Variants in POTEC observed in about 807,000 individuals in gnomAD.
POTEC encodes ANKRD26-like family B member 2.
A neutral mutation model predicts 62.0 loss-of-function variants in POTEC; 35 were observed. The observed-to-expected ratio is 0.56, with a 90% CI of 0.43 to 0.75. The LOEUF (loss-of-function observed/expected upper bound fraction) is 0.75. Ranked by LOEUF, POTEC falls within the 30% of genes least tolerant of loss-of-function variation. POTEC has a pLI of 0.00. For synonymous variants in POTEC, 156 were observed against 221.5 expected, an observed-to-expected ratio of 0.70 and a Z score of 2.62; for missense variants, 472 against 655.9, an observed-to-expected ratio of 0.72 and a Z score of 3.06.
rs763235728 is a variant in POTEC, at chr18:14,542,924, T to C, written c.223A>G (p.Ser75Gly). ...GAAGTGCCCACGTTGCTCGTGCCGC[T>C]CCCCCTGCAGCAGGGGAAGCAGTGG... is the stretch of plus-strand genomic sequence containing the variant. The part of the protein sequence containing the change: ...CHHCFPCCRG[S>G]GTSNVGTSGD... The change falls in exon 1 of 11, where the codon AGC (serine) becomes GGC (glycine). Residue 75 changes from serine (S) to glycine (G), a missense_variant. This residue lies in a region of POTEC where 257 missense variants were observed against 250.7 expected (regional missense o/e 1.03). Transcript: ENST00000358970. 2.0e-6 allele frequency: 3 copies of C among 1,523,930 alleles called. No homozygotes were observed. The highest frequency in any genetic ancestry group is 1.9e-5 in the Admixed American group (1 of 51,488). The allele number at this position is 1,523,930 out of a possible 1,614,324, so 94.4% of individuals were successfully genotyped here.
intron 6 of POTEC, among the ~76,000 whole-genome samples, chr18:14,530,270 C>A (rs1905461796): frequency 6.6e-6 from 1 of 151,876 alleles, no homozygotes; most frequent in African/African-American, 2.4e-5. Flanking sequence ...TCCACGGATT[C>A]TACATTATAG....
At chr18:14,517,136 T>C (rs1351870009) in intron 9 of POTEC, among the ~76,000 whole-genome samples, 1 of 149,824 alleles carries the variant, frequency 6.7e-6, no homozygotes, top group African/African-American at 2.5e-5. Flanking sequence ...ATTAACCAAT[T>C]CACCTTGACC....
intron 5 of POTEC, among the ~76,000 whole-genome samples, chr18:14,532,170 T>A (rs9635834): frequency 6.6e-6 from 1 of 152,044 alleles, no homozygotes; most frequent in African/African-American, 2.4e-5. Flanking sequence ...TGACCCTTTA[T>A]AACAAGCCCA....
chr18:14,507,940 G>C lies in POTEC; in HGVS notation c.*3958C>G, dbSNP rs1452140882. The C allele has an allele frequency of 1.2e-4, 18 of 152,202 alleles. No homozygotes were observed. Among genetic ancestry groups the C allele is most frequent in the Non-Finnish European group, 2.5e-4 (17 of 68,038 alleles). 9.4% of individuals were successfully genotyped at this position (152,202 alleles called of 1,614,324 possible). On this transcript the variant is annotated 3_prime_UTR_variant, in exon 11 of 11. Coordinates refer to ENST00000358970, the MANE Select transcript of POTEC (RefSeq NM_001137671.2). ...CAGTTTCAGTTGAGAGGTCTGCTAA[G>C]TCTGATGGAATTCCCTTTGCAGGTG...
intron 4 of POTEC, among the ~76,000 whole-genome samples, chr18:14,533,872 TC>T (rs1388739405): frequency 1.4e-5 from 2 of 145,214 alleles, no homozygotes; most frequent in Non-Finnish European, 1.5e-5. Context: ...CTCTTTTCTC[TC>T]TCTTTTTTTT....
chr18:14,539,447 G>C (rs1905860024), intron 1 of POTEC, among the ~76,000 whole-genome samples: 1 of 139,970 alleles, frequency 7.1e-6, no homozygotes, highest in South Asian at 2.4e-4. Flanking sequence ...CCCTCTGATA[G>C]GCCCCAGTGT....
chr18:14,538,592 C>A (rs1250293943), intron 1 of POTEC, among the ~76,000 whole-genome samples: 3 of 151,300 alleles, frequency 2.0e-5, no homozygotes, highest in Admixed American at 2.0e-4. Context: ...GAGGAAACCA[C>A]TGTAATGCTT....
rs1188863825 is a variant in POTEC, at chr18:14,522,445, G to A, written c.1243-25C>T. On this transcript the variant is annotated intron_variant, in intron 8 of 10. Transcript: ENST00000358970. ...CCTTGAGTGGAAGTTTGATATTAAG[G>A]ATGGTTATCACTTTATTGAATAAAA... 9 of 1,410,572 alleles carry A rather than the reference G, an allele frequency of 6.4e-6. No individual in the cohort carries two copies. The Admixed American group carries it at 2.3e-4, about 37-fold the overall frequency. 87.4% of individuals were successfully genotyped at this position (1,410,572 alleles called of 1,614,324 possible).
At position 14,511,973 on chromosome 18, in the gene POTEC, T is replaced by G. The variant is rs894476669; in HGVS notation, c.1554A>C (p.Lys518Asn). 1 of 1,613,552 alleles carries G rather than the reference T, an allele frequency of 6.2e-7. No individual in the cohort carries two copies. ...TGTTTTCACGCAAGAGATCTTCTTC[T>G]TTCTTATGACTAAGAGAAAGCTAAG... ...MNSELSLSHK[K>N]EEDLLRENSM... is the part of the protein sequence containing the mutation. The change falls in exon 11 of 11, where the codon AAA (lysine) becomes AAC (asparagine). Residue 518 changes from lysine to asparagine, a missense_variant. Lys to Asn is a moderately conservative substitution (Grantham distance 94). Around this residue, in one of 5 missense-constraint regions of POTEC, gnomAD observed 67 missense variants for 58.3 expected, o/e 1.15. Transcript: ENST00000358970.
chr18:14,538,118 AGTT>A lies in POTEC; in HGVS notation c.636+14_636+16del, dbSNP rs1258676445. 1.3e-6 allele frequency: 2 copies of A among 1,578,300 alleles called. No homozygotes were observed. Among genetic ancestry groups the A allele is most frequent in the Non-Finnish European group, 1.7e-6 (2 of 1,160,406 alleles). On this transcript the variant is annotated intron_variant, in intron 2 of 10. Coordinates refer to ENST00000358970, the MANE Select transcript of POTEC (RefSeq NM_001137671.2). ...AATCAAACCCATCTCACGCTGATAT[AGTT>A]GACTACTGCATACCTTTATCAGAGC...
intron 9 of POTEC, among the ~76,000 whole-genome samples, chr18:14,518,120 A>G (rs1910213383): frequency 6.6e-6 from 1 of 152,232 alleles, no homozygotes; most frequent in South Asian, 2.1e-4. Context: ...CAAACAATAT[A>G]TCCAGGATAA....
At chr18:14,516,298 T>TATATATA (rs1910151262) in intron 9 of POTEC, among the ~76,000 whole-genome samples, 1 of 25,122 alleles carries the variant, frequency 4.0e-5, no homozygotes, top group Non-Finnish European at 7.0e-5. Context: ...AAAGAAAATT[T>TATATATA]TATATATATA....
chr18:14,517,346 C>T (rs572820708), intron 9 of POTEC, among the ~76,000 whole-genome samples: 1 of 152,304 alleles, frequency 6.6e-6, no homozygotes, highest in Admixed American at 6.5e-5. Flanking sequence ...ACTGCTCTTG[C>T]TCACCAACCA....
intron 3 of POTEC, among the ~76,000 whole-genome samples, chr18:14,535,770 C>A (rs1905691861): frequency 1.3e-5 from 2 of 151,882 alleles, no homozygotes; most frequent in African/African-American, 4.8e-5. Context: ...AAACGACTTA[C>A]TGACCTAAGC....
intron 1 of POTEC, among the ~76,000 whole-genome samples, chr18:14,541,218 ATAGTCTT>A (rs1905921105): frequency 6.6e-6 from 1 of 152,160 alleles, no homozygotes; most frequent in Non-Finnish European, 1.5e-5. Context: ...TAAACAGAAA[ATAGTCTT>A]TCATTCCTCT....
chr18:14,539,971 G>A (rs1905877587), intron 1 of POTEC, among the ~76,000 whole-genome samples: 1 of 152,164 alleles, frequency 6.6e-6, no homozygotes, highest in Non-Finnish European at 1.5e-5. Flanking sequence ...GATAAACATA[G>A]GTTGGAAGTT....
chr18:14,519,295 G>A (rs1314121434), intron 9 of POTEC, among the ~76,000 whole-genome samples: 1 of 152,180 alleles, frequency 6.6e-6, no homozygotes, highest in Non-Finnish European at 1.5e-5. Context: ...TCTGACAAGT[G>A]TGTGATACCC....
rs1905590684 is a variant in POTEC at position 14,533,282 on chromosome 18, C to T, written c.918-84G>A. The T allele has an allele frequency of 6.4e-6, 10 of 1,561,816 alleles. No individual in the cohort carries two copies. In the South Asian group the frequency reaches 1.1e-4, roughly 17 times the overall value. The stretch of plus-strand genomic sequence containing the variant: ...AATTTGATATACTTTACCAATTTAA[C>T]ATCTTGCCTGTCCATGCAGAATCAA... On this transcript the variant is annotated intron_variant, in intron 4 of 10. Coordinates refer to ENST00000358970, the MANE Select transcript of POTEC (RefSeq NM_001137671.2).
chr18:14,519,951 G>A (rs1197885826), intron 9 of POTEC, among the ~76,000 whole-genome samples: 2 of 152,090 alleles, frequency 1.3e-5, no homozygotes, highest in African/African-American at 4.8e-5. Context: ...TAAATAAAAT[G>A]AGGTGGAAGA....
Sources: allele counts gnomAD v4.1 joint callset (sites outside exome capture counted in the v4.1 genomes callset), GRCh38; gene constraint gnomAD v4.1.1; regional missense constraint gnomAD v4.1.1; transcripts MANE v1.5; gene names NCBI Gene and HGNC (gene_info 2026-07-23, HGNC 2026-07-21).